The following POU6F2 variants were observed in gnomAD, a reference collection of about 807,000 sequenced individuals.
The protein encoded by POU6F2 is POU class 6 homeobox 2.
In POU6F2, 31 loss-of-function variants were observed where a neutral mutation model predicts 71.3. The ratio of observed to expected loss-of-function variants is 0.43; its 90% CI spans 0.33 to 0.59. POU6F2 has a LOEUF of 0.59. Among genes scored for constraint, POU6F2 ranks in the 20% least tolerant of loss-of-function variants. The pLI, the probability that POU6F2 is intolerant of heterozygous loss-of-function variation, is 0.04. For synonymous variants in POU6F2, 347 were observed against 355.7 expected (o/e 0.98, Z 0.27); for missense variants, 783 against 856.8 (o/e 0.91, Z 1.07).
intron 1 of POU6F2, among the ~76,000 whole-genome samples, chr7:39,032,841 G>T (rs1242163993): frequency 6.6e-6 from 1 of 152,166 alleles, no homozygotes; most frequent in Non-Finnish European, 1.5e-5. Flanking sequence ...AGCCTCCTGG[G>T]AGCAGTCGGT....
chr7:39,431,998 G>A (rs1014675678), intron 6 of POU6F2, among the ~76,000 whole-genome samples: 2 of 152,194 alleles, frequency 1.3e-5, no homozygotes, highest in African/African-American at 2.4e-5. Flanking sequence ...GTGCCACGTC[G>A]CTTCTCAGGA....
At position 39,405,013 on chromosome 7, in the gene POU6F2, A is replaced by G. The variant is rs1408535171; in HGVS notation, c.973-1587A>G. 4 of 152,238 alleles carry G rather than the reference A, an allele frequency of 2.6e-5. No individual in the cohort carries two copies. In the East Asian group the frequency reaches 7.7e-4, roughly 29 times the overall value. The allele number at this position is 152,238 out of a possible 1,614,324, so 9.4% of individuals were successfully genotyped here. A position where few individuals can be genotyped will look rare whatever the true frequency, so the allele number is the denominator to read the frequency against. ...AGTGAGAATTTTTTTCTCCTTAAAAAGAAAATCATTATTGTCTTTTAGGAG... is the reference window on the plus strand; with the variant it reads ...AGTGAGAATTTTTTTCTCCTTAAAAGGAAAATCATTATTGTCTTTTAGGAG... On this transcript the variant is annotated intron_variant, in intron 5 of 9. Transcript: ENST00000518318.
chr7:39,219,829 C>T (rs1406847332), intron 4 of POU6F2, among the ~76,000 whole-genome samples: 1 of 152,082 alleles, frequency 6.6e-6, no homozygotes, highest in Non-Finnish European at 1.5e-5. Flanking sequence ...CCTTGTGTGG[C>T]ATTATTTTAG....
In POU6F2 at chr7:38,979,204, G is replaced by GT. The variant is rs11321840; in HGVS notation, c.105+1157dup. ...CACGAATATTTATAAACTCCTAAAA[G>GT]TTTTTTTTTTTGTACACTTTCCAAT... On this transcript the variant is annotated intron_variant, in intron 1 of 9. Coordinates refer to ENST00000518318, the MANE Select transcript of POU6F2 (RefSeq NM_001370959.1). Among the ~76,000 whole-genome samples the GT allele has an allele frequency of 1.2e-3, 183 of 150,904 alleles. 2 individuals are homozygous for GT. The highest frequency in any genetic ancestry group is 9.7e-3 in the Admixed American group (147 of 15,162).
At chr7:39,363,291 T>C (rs1786429422) in intron 5 of POU6F2, among the ~76,000 whole-genome samples, 1 of 152,066 alleles carries the variant, frequency 6.6e-6, no homozygotes, top group Non-Finnish European at 1.5e-5. Context: ...CTGCAACGAT[T>C]TTGACCTAAG....
intron 1 of POU6F2, among the ~76,000 whole-genome samples, chr7:39,036,703 G>T (rs1011889798): frequency 6.6e-6 from 1 of 151,644 alleles, no homozygotes; most frequent in Non-Finnish European, 1.5e-5. Flanking sequence ...CTCCAAGAAG[G>T]AATACCCAGC....
intron 6 of POU6F2, among the ~76,000 whole-genome samples, chr7:39,416,346 T>C (rs952568366): frequency 6.6e-6 from 1 of 152,206 alleles, no homozygotes; most frequent in Non-Finnish European, 1.5e-5. Context: ...ATAGGTGTCC[T>C]GGCTTCCAGT....
chr7:38,984,153 C>T (rs1348651623), intron 1 of POU6F2: 1 of 152,032 alleles, frequency 6.6e-6, no homozygotes, highest in African/African-American at 2.4e-5. Context: ...GTACATTTTT[C>T]CCATGGGAAA....
intron 4 of POU6F2, among the ~76,000 whole-genome samples, chr7:39,278,080 C>T (rs560983471): frequency 2.6e-4 from 24 of 92,872 alleles, no homozygotes; most frequent in Non-Finnish European, 4.0e-4. Context: ...TGAAAGAAAG[C>T]GAGAAAGAGA....
At position 38,990,953 on chromosome 7, in the gene POU6F2, C is replaced by T. The variant is rs142773879; in HGVS notation, c.105+12895C>T. 3.0e-3 allele frequency among the ~76,000 whole-genome samples: 455 copies of T among 151,976 alleles called. 8 individuals carry two copies. The highest frequency in any genetic ancestry group is 0.027 in the Admixed American group (419 of 15,240). On this transcript the variant is annotated intron_variant, in intron 1 of 9. Transcript: ENST00000518318. ...GCATTAAGATCTTGGTAGGTTTTCT[C>T]GTCTATTCACATCTCCCTTCCTTCA... is the stretch of plus-strand genomic sequence containing the variant.
At chr7:39,218,793 A>C (rs1315968070) in intron 4 of POU6F2, among the ~76,000 whole-genome samples, 1 of 152,132 alleles carries the variant, frequency 6.6e-6, no homozygotes, top group Non-Finnish European at 1.5e-5. Context: ...AAGAGAGAGG[A>C]GATCCCTACT....
At chr7:38,979,095 T>C (rs773495228) in intron 1 of POU6F2, among the ~76,000 whole-genome samples, 5 of 152,186 alleles carry the variant, frequency 3.3e-5, no homozygotes, top group Admixed American at 6.5e-5. Context: ...GTTTCTTTTC[T>C]TTTTTGTAAT....
chr7:39,406,347 G>T, intron 5 of POU6F2: 2 of 488,284 alleles, frequency 4.1e-6, no homozygotes, highest in South Asian at 2.5e-5. Context: ...TGAAGTTCAG[G>T]CTCGTTCCCT....
chr7:39,116,076 G>A (rs943994624), intron 2 of POU6F2, among the ~76,000 whole-genome samples: 1 of 152,062 alleles, frequency 6.6e-6, no homozygotes, highest in African/African-American at 2.4e-5. Flanking sequence ...CTGCACTCAG[G>A]GCAAGCTCCA....
chr7:38,993,734 G>A (rs976741402), intron 1 of POU6F2, among the ~76,000 whole-genome samples: 12 of 151,304 alleles, frequency 7.9e-5, no homozygotes, highest in African/African-American at 2.7e-4. Flanking sequence ...TGTGAAATGT[G>A]TAAAGTACTC....
chr7:39,127,184 C>T (rs1326926497), intron 2 of POU6F2, among the ~76,000 whole-genome samples: 1 of 152,166 alleles, frequency 6.6e-6, no homozygotes, highest in East Asian at 1.9e-4. Flanking sequence ...GTAGTTTACA[C>T]TGATAGCATA....
chr7:39,341,672 T>A (rs910268618), intron 5 of POU6F2, among the ~76,000 whole-genome samples: 2 of 152,214 alleles, frequency 1.3e-5, no homozygotes, highest in Non-Finnish European at 2.9e-5. Context: ...TGCCCTTCCT[T>A]GAGGAGTGAA....
chr7:39,231,701 T>C (rs1794578489), intron 4 of POU6F2, among the ~76,000 whole-genome samples: 1 of 152,164 alleles, frequency 6.6e-6, no homozygotes, highest in Non-Finnish European at 1.5e-5. Flanking sequence ...TTCAATCCCC[T>C]GCATGTTCTC....
intron 7 of POU6F2, among the ~76,000 whole-genome samples, chr7:39,433,762 G>A (rs145772358): frequency 3.7e-4 from 57 of 152,254 alleles, no homozygotes; most frequent in African/African-American, 1.4e-3. Flanking sequence ...ATGATGATCC[G>A]GTTAATTTTT....
Sources: gnomAD v4.1 joint callset for allele counts (sites outside exome capture counted in the v4.1 genomes callset) on GRCh38, gnomAD v4.1.1 for gene constraint, MANE v1.5 for transcripts, NCBI Gene and HGNC (gene_info 2026-07-23, HGNC 2026-07-21) for gene names.